Variants in PHF21B observed in about 807,000 individuals in gnomAD.
PHF21B encodes the protein PHD finger protein 21B, also known as PHD finger protein 4.
PHF21B carries 22 observed loss-of-function variants against 62.2 expected under a neutral mutation model. That is an observed-to-expected ratio of 0.35 (90% CI 0.25 to 0.51). PHF21B has a LOEUF of 0.51. Ranked by LOEUF, PHF21B falls within the 20% of genes least tolerant of loss-of-function variation. The pLI, the probability that PHF21B is intolerant of heterozygous loss-of-function variation, is 0.97. For synonymous variants in PHF21B, 341 were observed against 314.7 expected, an observed-to-expected ratio of 1.08 and a Z score of -0.88; for missense variants, 701 against 707.9, an observed-to-expected ratio of 0.99 and a Z score of 0.11.
Position 45,009,651 on chromosome 22 carries a change from C to T in PHF21B, c.-102G>A, listed in dbSNP as rs2073389338. Reference sequence around the variant, plus strand: ...AGCGGGCGCGGGCGGACGCGGCCTCCGGGCTGGGTTGGGGGGGACACGAGC... The same window carrying T: ...AGCGGGCGCGGGCGGACGCGGCCTCTGGGCTGGGTTGGGGGGGACACGAGC... On this transcript the variant is annotated 5_prime_UTR_variant, in exon 1 of 13. Coordinates refer to ENST00000313237, the MANE Select transcript of PHF21B (RefSeq NM_138415.5). This position sits in a 1 kb window ranked among gnomAD's most constrained non-coding sequence, Gnocchi z 5.9. The T allele has an allele frequency of 2.8e-6, 3 of 1,089,356 alleles. No homozygotes were observed. The highest frequency in any genetic ancestry group is 3.6e-5 in the Admixed American group (1 of 27,950). The allele number at this position is 1,089,356 out of a possible 1,614,324, so 67.5% of individuals were successfully genotyped here. A position where few individuals can be genotyped will look rare whatever the true frequency, so the allele number is the denominator to read the frequency against.
At chr22:44,915,900 C>G (rs2071423341) in intron 4 of PHF21B, among the ~76,000 whole-genome samples, 1 of 152,202 alleles carries the variant, frequency 6.6e-6, no homozygotes, top group Non-Finnish European at 1.5e-5. Context: ...ACTCCACCAG[C>G]AGAAACAGAG....
rs1262941973 is a variant in PHF21B at position 45,009,237 on chromosome 22, C to T, written c.54+259G>A. 4.0e-6 allele frequency: 2 copies of T among 502,536 alleles called. No homozygotes were observed. Among genetic ancestry groups the T allele is most frequent in the African/African-American group, 2.0e-5 (1 of 48,792 alleles). The allele number at this position is 502,536 out of a possible 1,614,324, so 31.1% of individuals were successfully genotyped here. On this transcript the variant is annotated intron_variant, in intron 1 of 12. Coordinates refer to ENST00000313237, the MANE Select transcript of PHF21B (RefSeq NM_138415.5). This position sits in a 1 kb window ranked among gnomAD's most constrained non-coding sequence, Gnocchi z 5.9. ...CACCCTCCCAGTCATGCAGACCCTA[C>T]ATCGCTTAAGAGAAGACTCCAGGCT... is the stretch of plus-strand genomic sequence containing the variant.
chr22:44,963,966 T>C (rs2072474862), intron 2 of PHF21B, among the ~76,000 whole-genome samples: 1 of 152,230 alleles, frequency 6.6e-6, no homozygotes, highest in South Asian at 2.1e-4. Context: ...GGGTCATCTT[T>C]GGAAGGGCAC....
In PHF21B at chr22:44,958,598, A is replaced by ATTTTTTTTT. The variant is rs59943293; in HGVS notation, c.121-38117_121-38109dup. Among the ~76,000 whole-genome samples the ATTTTTTTTT allele has an allele frequency of 1.8e-3, 135 of 75,902 alleles. 3 individuals are homozygous for ATTTTTTTTT. Among genetic ancestry groups the ATTTTTTTTT allele is most frequent in the Non-Finnish European group, 2.0e-3 (91 of 45,590 alleles). The allele number at this position is 75,902 out of a possible 152,430, so 49.8% of individuals were successfully genotyped here. ...AGCTTCATCTTCCAGCCTTCCTTTG[A>ATTTTTTTTT]TTTTTTTTTTTTTTTTTTTTTTTTT... is the stretch of plus-strand genomic sequence containing the variant. On this transcript the variant is annotated intron_variant, in intron 2 of 12. Transcript: ENST00000313237.
rs140813892 is a variant in PHF21B at position 44,913,927 on chromosome 22, G to C, written c.726C>G (p.Pro242=). ...GCGGCCGCGACTCTGCCGTGCTCTCGGGCTGCGTCTGCACTTGAGGCTGAA... is the reference window on the plus strand; with the variant it reads ...GCGGCCGCGACTCTGCCGTGCTCTCCGGCTGCGTCTGCACTTGAGGCTGAA... The part of the protein sequence containing the change: ...IIIQPQVQTQ[P]ESTAESRPPT... Residue 242 remains proline, a synonymous_variant, in exon 5 of 13, where the codon CCC becomes CCG. Transcript: ENST00000313237. 1.2e-6 allele frequency: 2 copies of C among 1,613,658 alleles called. No homozygotes were observed. The highest frequency in any genetic ancestry group is 1.3e-5 in the African/African-American group (1 of 74,804).
intron 2 of PHF21B, among the ~76,000 whole-genome samples, chr22:44,940,928 C>A (rs1171586575): frequency 6.6e-6 from 1 of 152,210 alleles, no homozygotes; most frequent in Non-Finnish European, 1.5e-5. Flanking sequence ...GCTGTCGTTT[C>A]ATGGAATGTA....
At chr22:44,903,474 GA>G (rs2071196685) in intron 5 of PHF21B, among the ~76,000 whole-genome samples, 1 of 151,778 alleles carries the variant, frequency 6.6e-6, no homozygotes, top group Admixed American at 6.6e-5. Context: ...ACAAAATGAA[GA>G]AAAAAATTCT....
At chr22:45,001,533 A>G (rs2147530388) in intron 2 of PHF21B, among the ~76,000 whole-genome samples, 1 of 152,274 alleles carries the variant, frequency 6.6e-6, no homozygotes, top group Admixed American at 6.5e-5. Context: ...GTGACTGTGG[A>G]CACACCTGCC....
intron 2 of PHF21B, among the ~76,000 whole-genome samples, chr22:44,994,818 C>A (rs980301524): frequency 6.6e-6 from 1 of 152,252 alleles, no homozygotes; most frequent in Non-Finnish European, 1.5e-5. Context: ...AACGTCCCCA[C>A]TTCCGCAGTA....
intron 2 of PHF21B, among the ~76,000 whole-genome samples, chr22:44,953,596 A>C (rs952530327): frequency 6.6e-6 from 1 of 151,870 alleles, no homozygotes; most frequent in African/African-American, 2.4e-5. Flanking sequence ...TCAGTGGGGG[A>C]CTGGAGAGGG....
In PHF21B at chr22:44,977,603, G is replaced by A. The variant is rs115685410; in HGVS notation, c.120+30942C>T. ...AGGATATCGCTTGTTTTTTGGGATG[G>A]GATCTTGCTCTGTCACCCAGGCTGG... On this transcript the variant is annotated intron_variant, in intron 2 of 12. Coordinates refer to ENST00000313237, the MANE Select transcript of PHF21B (RefSeq NM_138415.5). 3.2e-3 allele frequency among the ~76,000 whole-genome samples: 488 copies of A among 151,970 alleles called. 2 individuals carry two copies. Among genetic ancestry groups the A allele is most frequent in the African/African-American group, 0.011 (475 of 41,450 alleles).
intron 8 of PHF21B, among the ~76,000 whole-genome samples, chr22:44,891,056 C>T (rs922559789): frequency 2.0e-5 from 3 of 152,226 alleles, no homozygotes; most frequent in Non-Finnish European, 2.9e-5. Flanking sequence ...GAGGCCCCAT[C>T]GGTCACGCTC....
intron 2 of PHF21B, among the ~76,000 whole-genome samples, chr22:45,005,589 G>A (rs137886022): frequency 4.6e-5 from 7 of 152,170 alleles, no homozygotes; most frequent in African/African-American, 1.4e-4. Flanking sequence ...GAAAAACATC[G>A]CGCTAAGGGC....
intron 2 of PHF21B, among the ~76,000 whole-genome samples, chr22:44,948,941 C>T (rs988503492): frequency 1.3e-5 from 2 of 152,198 alleles, no homozygotes; most frequent in African/African-American, 4.8e-5. Context: ...ACAAATGGGT[C>T]ACAGATCCAT....
At chr22:44,981,136 C>A (rs529849056) in intron 2 of PHF21B, among the ~76,000 whole-genome samples, 1 of 152,106 alleles carries the variant, frequency 6.6e-6, no homozygotes, top group South Asian at 2.1e-4. Context: ...GATGAGGAAA[C>A]GGCCTTTATG....
intron 2 of PHF21B, among the ~76,000 whole-genome samples, chr22:44,960,195 C>T (rs532494742): frequency 3.5e-4 from 54 of 152,338 alleles, no homozygotes; most frequent in Non-Finnish European, 6.9e-4. Context: ...CCACAAGCCA[C>T]GGGACCCAAG....
chr22:44,890,005 T>C (rs922619572), intron 8 of PHF21B, among the ~76,000 whole-genome samples: 10 of 137,114 alleles, frequency 7.3e-5, no homozygotes, highest in African/African-American at 2.5e-4. Context: ...GATGGGAATA[T>C]CACAAGGCCC....
intron 2 of PHF21B, chr22:45,000,445 G>C (rs1601697832): frequency 6.6e-6 from 1 of 152,176 alleles, no homozygotes; most frequent in African/African-American, 2.4e-5. Context: ...TGAAATCAAA[G>C]ACACAGCCCA....
chr22:44,881,658 C>G lies in PHF21B; in HGVS notation c.*1428G>C, dbSNP rs1163361430. ...TTGCCGGCCTCCTCGCTCTGCACCT[C>G]TGCGTGTGTGCATGCGTGTCTGTGG... On this transcript the variant is annotated 3_prime_UTR_variant, in exon 13 of 13. Coordinates refer to ENST00000313237, the MANE Select transcript of PHF21B (RefSeq NM_138415.5). The G allele has an allele frequency of 1.3e-5, 2 of 152,728 alleles. No individual in the cohort carries two copies. The highest frequency in any genetic ancestry group is 2.1e-4 in the South Asian group (1 of 4,826). The allele number at this position is 152,728 out of a possible 1,614,324, so 9.5% of individuals were successfully genotyped here.
Sources: allele counts gnomAD v4.1 joint callset (sites outside exome capture counted in the v4.1 genomes callset), GRCh38; gene constraint gnomAD v4.1.1; non-coding constraint Gnocchi (gnomAD v3.1); transcripts MANE v1.5; gene names NCBI Gene and HGNC (gene_info 2026-07-23, HGNC 2026-07-21).